The following TTC3 variants were observed in gnomAD, a reference collection of about 807,000 sequenced individuals.
TTC3 encodes the protein tetratricopeptide repeat domain 3.
In TTC3, 180 loss-of-function variants were observed where a neutral mutation model predicts 249.6. The observed-to-expected ratio is 0.72, with a 90% CI of 0.64 to 0.82. The LOEUF is 0.82. Ranked by LOEUF, TTC3 falls within the 40% of genes least tolerant of loss-of-function variation. The probability of loss-of-function intolerance (pLI) is 0.00; values close to 1 mark genes in which losing one functional copy is unlikely to be tolerated. For missense variants in TTC3, 2,061 were observed against 2,398.4 expected (o/e 0.86, Z 2.94); for synonymous variants, 717 against 805.0 (o/e 0.89, Z 1.85).
intron 14 of TTC3, among the ~76,000 whole-genome samples, chr21:37,125,179 A>C (rs1046090778): frequency 6.6e-6 from 1 of 152,126 alleles, no homozygotes; most frequent in Non-Finnish European, 1.5e-5. Context: ...GTCTGTAAAC[A>C]CTCACCTCAG....
chr21:37,188,340 C>G (rs1159946148), intron 38 of TTC3, 155 bp from the exon 39 acceptor site: 1 of 550,414 alleles, frequency 1.8e-6, no homozygotes, highest in Non-Finnish European at 3.2e-6. Context: ...AAGTCTAATT[C>G]ATGTTCACCT....
At chr21:37,172,480 A>G (rs1569138855) in intron 34 of TTC3, 115 bp from the exon 35 acceptor site, 1 of 1,216,718 alleles carries the variant, frequency 8.2e-7, no homozygotes, top group Non-Finnish European at 1.1e-6. Context: ...TTTCCCTTGT[A>G]AATTTTCATC....
chr21:37,126,031 T>C (rs1379014234), intron 14 of TTC3, 49 bp from the exon 15 acceptor site: 1 of 1,528,430 alleles, frequency 6.5e-7, no homozygotes, highest in Admixed American at 1.9e-5. Context: ...GAATTCTTCA[T>C]GGCTGGGTTG....
intron 1 of TTC3, among the ~76,000 whole-genome samples, chr21:37,079,516 GGTTTT>G (rs2071330463): frequency 1.1e-5 from 1 of 91,490 alleles, no homozygotes; most frequent in African/African-American, 4.4e-5. Context: ...TTTATGGTAT[GGTTTT>G]TTTTTTTTTT....
chr21:37,186,242 G>A (rs1433247796), intron 37 of TTC3, among the ~76,000 whole-genome samples: 5 of 152,112 alleles, frequency 3.3e-5, no homozygotes, highest in Admixed American at 1.3e-4. Flanking sequence ...TTCACATACT[G>A]CTAACCAGTA....
intron 11 of TTC3, among the ~76,000 whole-genome samples, chr21:37,119,354 T>C (rs2076404262): frequency 6.6e-6 from 1 of 152,200 alleles, no homozygotes; most frequent in South Asian, 2.1e-4. Flanking sequence ...CTCTTGTTGA[T>C]AGGAACAGGA....
chr21:37,135,552 A>T, intron 18 of TTC3, 38 bp downstream of exon 18: 1 of 1,599,252 alleles, frequency 6.3e-7, no homozygotes, highest in South Asian at 1.1e-5. Context: ...ATCAATGCTA[A>T]TGCACCTCAG....
intron 35 of TTC3, among the ~76,000 whole-genome samples, chr21:37,177,208 A>T (rs913129164): frequency 5.3e-5 from 8 of 152,028 alleles, no homozygotes; most frequent in Non-Finnish European, 8.8e-5. Flanking sequence ...TGCATCTTCC[A>T]CCCTGAAAAT....
chr21:37,181,929 G>A (rs939295952), intron 35 of TTC3, among the ~76,000 whole-genome samples: 3 of 151,514 alleles, frequency 2.0e-5, no homozygotes, highest in Non-Finnish European at 4.4e-5. Context: ...GAACCTGATA[G>A]GAAGTAAAAA....
chr21:37,081,805 A>G (rs944437831), intron 1 of TTC3: 3 of 151,864 alleles, frequency 2.0e-5, no homozygotes, highest in East Asian at 1.9e-4. Context: ...AACTGTGCCT[A>G]ATATCCTCTG....
At chr21:37,122,423 T>TATATATATATATTATATATATATATATA (rs1568978764) in intron 12 of TTC3, among the ~76,000 whole-genome samples, 1 of 59,630 alleles carries the variant, frequency 1.7e-5, no homozygotes, top group Non-Finnish European at 3.6e-5. Flanking sequence ...ATATATAATA[T>TATATATATATATTATATATATATATATA]ATATATATAT....
chr21:37,076,890 G>A (rs534334807), intron 1 of TTC3, among the ~76,000 whole-genome samples: 252 of 151,750 alleles, frequency 1.7e-3, no homozygotes, highest in Non-Finnish European at 3.0e-3. Context: ...TAGTAGAGAC[G>A]GGATTTCACC....
chr21:37,164,892 A>G (rs187843146), intron 32 of TTC3, among the ~76,000 whole-genome samples: 54 of 152,302 alleles, frequency 3.5e-4, no homozygotes, highest in Middle Eastern at 6.8e-3. Flanking sequence ...TCCTGTCAGT[A>G]GCATATCCAC....
At chr21:37,148,617 A>G in exon 23 of TTC3, 1 of 1,604,966 alleles carries the variant, frequency 6.2e-7, no homozygotes. Context: ...AGAAGTTAAA[A>G]ACTACAACCT....
intron 24 of TTC3, 152 bp from the exon 25 acceptor site, chr21:37,150,668 C>T (rs1195630873): frequency 1.6e-6 from 1 of 630,560 alleles, no homozygotes; most frequent in Non-Finnish European, 2.8e-6. Flanking sequence ...TTTGCTAAAG[C>T]TTTCTGGGCT....
At chr21:37,196,868 AG>A (rs1264606207) in intron 42 of TTC3, among the ~76,000 whole-genome samples, 1 of 152,202 alleles carries the variant, frequency 6.6e-6, no homozygotes, top group African/African-American at 2.4e-5. Context: ...TGTGGGAAAA[AG>A]CTGCCCTTAC....
At chr21:37,132,416 A>G (rs1380249924) in intron 16 of TTC3, among the ~76,000 whole-genome samples, 1 of 151,544 alleles carries the variant, frequency 6.6e-6, no homozygotes, top group Non-Finnish European at 1.5e-5. Flanking sequence ...GGGCTCAAGC[A>G]ATTCTCCTGC....
chr21:37,159,598 G>C (rs1250592755), intron 28 of TTC3, 101 bp from the exon 29 acceptor site: 1 of 1,307,306 alleles, frequency 7.6e-7, no homozygotes, highest in African/African-American at 1.5e-5. Flanking sequence ...ATAGAACATG[G>C]CCTATGCCAG....
intron 1 of TTC3, among the ~76,000 whole-genome samples, chr21:37,080,599 C>T (rs951443075): frequency 6.6e-6 from 1 of 152,124 alleles, no homozygotes; most frequent in Admixed American, 6.5e-5. Flanking sequence ...TAACAGATTT[C>T]CTGTAGTTCT....
Sources: gnomAD v4.1 joint callset for allele counts (sites outside exome capture counted in the v4.1 genomes callset) on GRCh38, gnomAD v4.1.1 for gene constraint, MANE v1.5 for transcripts, NCBI Gene and HGNC (gene_info 2026-07-23, HGNC 2026-07-21) for gene names.